The following ESR1 variants were observed in gnomAD, a reference collection of about 807,000 sequenced individuals.
The protein encoded by ESR1 is estrogen receptor 1.
Under a neutral mutation model 52.7 loss-of-function variants are expected in ESR1, and 12 were observed. The observed-to-expected ratio is 0.23, with a 90% CI of 0.15 to 0.37. The LOEUF is 0.37. Ranked by LOEUF, ESR1 falls within the 10% of genes least tolerant of loss-of-function variation. ESR1 has a pLI of 1.00. For missense variants in ESR1, 584 were observed against 779.7 expected (o/e 0.75, Z 2.99); for synonymous variants, 305 against 316.8 (o/e 0.96, Z 0.39).
Position 151,934,141 on chromosome 6 carries a change from C to T in ESR1, c.761-10032C>T, listed in dbSNP as rs570344689. Among the ~76,000 whole-genome samples, 294 of 152,286 alleles carry T rather than the reference C, an allele frequency of 1.9e-3. 2 individuals carry two copies. The highest frequency in any genetic ancestry group is 3.1e-3 in the Non-Finnish European group (214 of 68,026). The stretch of plus-strand genomic sequence containing the variant: ...GCTGTGACCTCTCTGGTCTTTGGCT[C>T]TTACTAGAAACCTTTGAACCCGTTT... On this transcript the variant is annotated intron_variant, in intron 3 of 7. Transcript: ENST00000206249.
chr6:151,975,340 C>T (rs994585668), intron 4 of ESR1, among the ~76,000 whole-genome samples: 1 of 152,136 alleles, frequency 6.6e-6, no homozygotes, highest in African/African-American at 2.4e-5. Flanking sequence ...AAACTCCCCC[C>T]ACTCTTTTTT....
At chr6:151,767,048 G>C (rs1785112826) in intron 2 of ESR1, among the ~76,000 whole-genome samples, 1 of 152,144 alleles carries the variant, frequency 6.6e-6, no homozygotes, top group Non-Finnish European at 1.5e-5. Flanking sequence ...CAGGTTCATA[G>C]AATCTTTTAC....
intron 2 of ESR1, among the ~76,000 whole-genome samples, chr6:151,704,329 C>A (rs1037433199): frequency 6.6e-6 from 1 of 152,170 alleles, no homozygotes; most frequent in Non-Finnish European, 1.5e-5. Context: ...CCTCTGCCTC[C>A]CCGGTTCAAG....
intron 6 of ESR1, among the ~76,000 whole-genome samples, chr6:152,116,482 A>G (rs2051211831): frequency 6.6e-6 from 1 of 152,226 alleles, no homozygotes; most frequent in African/African-American, 2.4e-5. Context: ...TTGTTTGCAT[A>G]AGAAAATCAA....
intron 5 of ESR1, among the ~76,000 whole-genome samples, chr6:152,058,200 A>G (rs1396280872): frequency 1.4e-5 from 2 of 145,356 alleles, no homozygotes; most frequent in East Asian, 4.2e-4. Flanking sequence ...ACTAGAAAGA[A>G]GATGAACTGC....
intron 3 of ESR1, among the ~76,000 whole-genome samples, chr6:151,898,400 CTTTTCTTTTTTTTTTTTAATTG>C (rs1795892234): frequency 9.5e-6 from 1 of 105,076 alleles, no homozygotes; most frequent in Non-Finnish European, 2.0e-5. Context: ...TTTTTTTTTT[CTTTTCTTTTTTTTTTTTAATTG>C]ATCATTCTTG....
At chr6:151,890,762 T>G (rs1223917510) in intron 3 of ESR1, among the ~76,000 whole-genome samples, 2 of 152,250 alleles carry the variant, frequency 1.3e-5, no homozygotes, top group East Asian at 3.8e-4. Context: ...ATTTTATAGT[T>G]TGTGACTTAA....
At chr6:151,781,978 C>T (rs951499412) in intron 2 of ESR1, among the ~76,000 whole-genome samples, 6 of 152,158 alleles carry the variant, frequency 3.9e-5, no homozygotes, top group African/African-American at 1.4e-4. Context: ...AACTAAAATA[C>T]TAAGGACGAG....
At chr6:151,762,419 G>C (rs1428663460) in intron 2 of ESR1, among the ~76,000 whole-genome samples, 3 of 152,128 alleles carry the variant, frequency 2.0e-5, no homozygotes, top group Non-Finnish European at 4.4e-5. Context: ...GATTATTGGA[G>C]AGTGGTGTGA....
At chr6:151,988,497 G>T (rs994702241) in intron 4 of ESR1, among the ~76,000 whole-genome samples, 4 of 152,086 alleles carry the variant, frequency 2.6e-5, no homozygotes, top group Non-Finnish European at 4.4e-5. Flanking sequence ...TCCTAACCAG[G>T]GTTGGGGACC....
chr6:151,862,207 T>C (rs1789009285), intron 2 of ESR1, among the ~76,000 whole-genome samples: 1 of 152,194 alleles, frequency 6.6e-6, no homozygotes, highest in East Asian at 1.9e-4. Flanking sequence ...CCAAGGTATG[T>C]AAGAAACAAA....
intron 1 of ESR1, among the ~76,000 whole-genome samples, chr6:151,701,529 C>CAAAA (rs57589542): frequency 3.5e-4 from 31 of 89,316 alleles, no homozygotes; most frequent in African/African-American, 7.5e-4. Flanking sequence ...CACTACATCT[C>CAAAA]AAAAAAAAAA....
chr6:152,040,008 G>C (rs982947771), intron 5 of ESR1, among the ~76,000 whole-genome samples: 1 of 152,190 alleles, frequency 6.6e-6, no homozygotes, highest in Non-Finnish European at 1.5e-5. Flanking sequence ...TTGCCTGCAG[G>C]ATAGGCAAAC....
chr6:151,922,656 T>A (rs1318699827), intron 3 of ESR1, among the ~76,000 whole-genome samples: 1 of 152,078 alleles, frequency 6.6e-6, no homozygotes, highest in Non-Finnish European at 1.5e-5. Context: ...CAGACTTATC[T>A]TCTGTATTTT....
chr6:151,925,516 A>G (rs2032572095), intron 3 of ESR1, among the ~76,000 whole-genome samples: 1 of 152,190 alleles, frequency 6.6e-6, no homozygotes. Context: ...CTGAGGCAGG[A>G]GAATCACTGG....
intron 1 of ESR1, among the ~76,000 whole-genome samples, chr6:151,683,864 ATTTTT>A (rs66983259): frequency 5.1e-4 from 60 of 118,452 alleles, no homozygotes; most frequent in African/African-American, 1.8e-3. Flanking sequence ...ACGTCTGGCT[ATTTTT>A]TTTTTTTTTT....
At chr6:151,797,172 G>A (rs890377721) in intron 2 of ESR1, among the ~76,000 whole-genome samples, 1 of 152,254 alleles carries the variant, frequency 6.6e-6, no homozygotes, top group Non-Finnish European at 1.5e-5. Flanking sequence ...CGGGTCTCAT[G>A]GGCAGAGGTG....
chr6:152,027,036 G>A (rs780024865), intron 5 of ESR1, among the ~76,000 whole-genome samples: 3 of 151,208 alleles, frequency 2.0e-5, no homozygotes, highest in Middle Eastern at 3.2e-3. Flanking sequence ...GCACGATCTC[G>A]GCTCACTGCA....
chr6:152,122,617 C>T lies in ESR1; in HGVS notation c.851-2649C>T, dbSNP rs1276774540. The T allele has an allele frequency of 9.3e-6, 15 of 1,614,126 alleles. No individual in the cohort carries two copies. The highest frequency in any genetic ancestry group is 1.1e-5 in the Non-Finnish European group (13 of 1,179,996). The stretch of plus-strand genomic sequence containing the variant: ...TCGGAGGACTCTGAACAGGAAGCCG[C>T]GGCCGGACCGACCTGGCCCTGGCTC... On this transcript the variant is annotated intron_variant, in intron 6 of 6. Coordinates refer to the ESR1 transcript ENST00000427531.
Sources: gnomAD v4.1 joint callset for allele counts (sites outside exome capture counted in the v4.1 genomes callset) on GRCh38, gnomAD v4.1.1 for gene constraint, MANE v1.5 for transcripts, NCBI Gene and HGNC (gene_info 2026-07-23, HGNC 2026-07-21) for gene names.